Variants in STIM1 observed in about 807,000 individuals in gnomAD.
STIM1 encodes stromal interaction molecule 1.
A neutral mutation model predicts 74.7 loss-of-function variants in STIM1; 25 were observed. The observed-to-expected ratio is 0.33, with a 90% confidence interval of 0.24 to 0.47. The LOEUF (loss-of-function observed/expected upper bound fraction) is 0.47, where lower values mean the gene tolerates loss of function less well. STIM1 is among the 20% of genes least tolerant of loss of function. STIM1 has a pLI of 1.00. For synonymous variants in STIM1, 328 were observed against 348.8 expected (o/e 0.94, Z 0.66); for missense variants, 728 against 920.8 (o/e 0.79, Z 2.71).
chr11:4,005,801 A>C (rs2093774104), intron 2 of STIM1, among the ~76,000 whole-genome samples: 1 of 152,328 alleles, frequency 6.6e-6, no homozygotes, highest in South Asian at 2.1e-4. Flanking sequence ...CTAGACGTAC[A>C]AAGATAAGTG....
At chr11:3,988,251 T>C (rs578153216) in intron 2 of STIM1, among the ~76,000 whole-genome samples, 102 of 152,318 alleles carry the variant, frequency 6.7e-4, no homozygotes, top group Non-Finnish European at 1.2e-3. Flanking sequence ...CCTCAGCACC[T>C]GAAGCCAGAG....
intron 1 of STIM1, among the ~76,000 whole-genome samples, chr11:3,897,812 A>G (rs1395383314): frequency 4.6e-5 from 7 of 151,982 alleles, no homozygotes; most frequent in Middle Eastern, 3.4e-3. Flanking sequence ...ATGATTTCCA[A>G]TTTCATCCAT....
At chr11:4,048,409 C>T (rs554391816) in intron 3 of STIM1, among the ~76,000 whole-genome samples, 1 of 152,194 alleles carries the variant, frequency 6.6e-6, no homozygotes, top group South Asian at 2.1e-4. Context: ...CAGATTTATA[C>T]TTTAAGTAAA....
intron 2 of STIM1, 64 bp downstream of exon 2, chr11:3,967,746 C>T: frequency 6.2e-7 from 1 of 1,605,816 alleles, no homozygotes; most frequent in Non-Finnish European, 8.5e-7. Context: ...TTGAAAGCTA[C>T]TTAGACAGCC....
intron 1 of STIM1, among the ~76,000 whole-genome samples, chr11:3,915,862 C>A (rs886373481): frequency 6.6e-6 from 1 of 152,048 alleles, no homozygotes; most frequent in Admixed American, 6.6e-5. Flanking sequence ...TTGGGACCAG[C>A]CTGGCCAACA....
chr11:3,876,531 G>T (rs2091311963), intron 1 of STIM1, among the ~76,000 whole-genome samples: 1 of 152,126 alleles, frequency 6.6e-6, no homozygotes, highest in Non-Finnish European at 1.5e-5. Flanking sequence ...TCAGCCTCCT[G>T]ATTAGTTGGG....
chr11:4,074,695 A>G lies in STIM1; in HGVS notation c.969+16A>G, dbSNP rs774941610. On this transcript the variant is annotated intron_variant, in intron 7 of 12. Transcript: ENST00000526596. ...GTTGGAGCAGGTAGGAGAGTCCACA[A>G]ATTCCTGGACACCTTGACGGGTGGG... 3.9e-6 allele frequency: 6 copies of G among 1,552,582 alleles called. No homozygotes were observed. Among genetic ancestry groups the G allele is most frequent in the Admixed American group, 3.9e-5 (2 of 51,076 alleles).
rs1230614936 is a variant in STIM1, at chr11:4,000,167, A to T, written c.271-23706A>T. On this transcript the variant is annotated intron_variant, in intron 2 of 12. Coordinates refer to ENST00000526596, the MANE Select transcript of STIM1 (RefSeq NM_001382567.1). ...CACCTCTGGGGGCAGGGCACAGACAAACAAAAAGACAGCAGTAACCTCTGC... is the reference window on the plus strand; with the variant it reads ...CACCTCTGGGGGCAGGGCACAGACATACAAAAAGACAGCAGTAACCTCTGC... Among the ~76,000 whole-genome samples the T allele has an allele frequency of 4.0e-5, 6 of 149,514 alleles. No individual in the cohort carries two copies. In the East Asian group the frequency reaches 1.2e-3, roughly 30 times the overall value.
chr11:3,907,034 G>A (rs1422516620), intron 1 of STIM1, among the ~76,000 whole-genome samples: 1 of 152,036 alleles, frequency 6.6e-6, no homozygotes, highest in African/African-American at 2.4e-5. Context: ...TTGAAAAGAA[G>A]GACAACAGTA....
chr11:3,881,686 A>G (rs2091508020), intron 1 of STIM1, among the ~76,000 whole-genome samples: 1 of 137,238 alleles, frequency 7.3e-6, no homozygotes, highest in African/African-American at 2.8e-5. Flanking sequence ...TTTTATTTTT[A>G]TTTATTTATT....
At chr11:3,873,418 C>CAAAAAAAAAAAAAAAAA (rs1159126517) in intron 1 of STIM1, among the ~76,000 whole-genome samples, 1 of 57,134 alleles carries the variant, frequency 1.8e-5, no homozygotes, top group African/African-American at 6.2e-5. Context: ...AGCTCCATTT[C>CAAAAAAAAAAAAAAAAA]AAAAAAAAAA....
intron 3 of STIM1, among the ~76,000 whole-genome samples, chr11:4,031,415 G>A (rs1268448828): frequency 6.6e-6 from 1 of 152,168 alleles, no homozygotes; most frequent in Non-Finnish European, 1.5e-5. Context: ...ATACCTAGGA[G>A]TGGAATGACT....
intron 1 of STIM1, among the ~76,000 whole-genome samples, chr11:3,960,936 G>A (rs1162119671): frequency 1.3e-5 from 2 of 151,670 alleles, no homozygotes; most frequent in Non-Finnish European, 2.9e-5. Flanking sequence ...ATTTGTTATT[G>A]TTCTAAAATA....
chr11:3,988,971 G>A (rs1385410868), intron 2 of STIM1, among the ~76,000 whole-genome samples: 1 of 152,168 alleles, frequency 6.6e-6, no homozygotes, highest in African/African-American at 2.4e-5. Context: ...AACAACCAGC[G>A]AATGATTTCA....
intron 1 of STIM1, among the ~76,000 whole-genome samples, chr11:3,935,264 G>A (rs979585087): frequency 1.3e-5 from 2 of 152,206 alleles, no homozygotes; most frequent in Non-Finnish European, 2.9e-5. Context: ...TATACATGGG[G>A]AAACTGAGGC....
chr11:4,073,022 C>T (rs968843426), intron 6 of STIM1, among the ~76,000 whole-genome samples: 1 of 150,068 alleles, frequency 6.7e-6, no homozygotes, highest in South Asian at 2.1e-4. Context: ...TTGAAGTCTC[C>T]GCCACTGATA....
chr11:3,895,068 C>G (rs112574580), intron 1 of STIM1, among the ~76,000 whole-genome samples: 52 of 152,242 alleles, frequency 3.4e-4, no homozygotes, highest in African/African-American at 1.2e-3. Flanking sequence ...CTAAGGAAGG[C>G]CAAGGGCAGG....
chr11:4,076,089 A>G (rs2094435500), intron 7 of STIM1, among the ~76,000 whole-genome samples: 1 of 152,194 alleles, frequency 6.6e-6, no homozygotes, highest in Non-Finnish European at 1.5e-5. Flanking sequence ...ACACATATAT[A>G]TAGAAAATAT....
chr11:4,032,781 A>G (rs2094062335), intron 3 of STIM1, among the ~76,000 whole-genome samples: 1 of 152,252 alleles, frequency 6.6e-6, no homozygotes, highest in Non-Finnish European at 1.5e-5. Flanking sequence ...ATGCTGTTGT[A>G]TATGGTATTT....
Sources: allele counts gnomAD v4.1 joint callset (sites outside exome capture counted in the v4.1 genomes callset), GRCh38; gene constraint gnomAD v4.1.1; transcripts MANE v1.5; gene names NCBI Gene and HGNC (gene_info 2026-07-23, HGNC 2026-07-21).